SYNC: variants seen among roughly 807,000 people sequenced by gnomAD.
The protein encoded by SYNC is syncoilin.
Under a neutral mutation model 49.5 loss-of-function variants are expected in SYNC, and 38 were observed. That is an observed-to-expected ratio of 0.77 (90% CI 0.59 to 1.01). The LOEUF is 1.01. Ranked by LOEUF, SYNC falls within the 50% of genes least tolerant of loss-of-function variation. The pLI is 0.00. For synonymous variants in SYNC, 201 were observed against 230.8 expected (o/e 0.87, Z 1.17); for missense variants, 579 against 580.6 (o/e 1.00, Z 0.03).
intron 2 of SYNC, among the ~76,000 whole-genome samples, chr1:32,686,614 G>GA (rs1649849469): frequency 6.6e-6 from 1 of 152,218 alleles, no homozygotes; most frequent in African/African-American, 2.4e-5. Flanking sequence ...GAAACTTCAG[G>GA]AAGAAGGGAA....
chr1:32,689,109 T>G (rs1233547896), intron 2 of SYNC, among the ~76,000 whole-genome samples: 1 of 151,390 alleles, frequency 6.6e-6, no homozygotes, highest in East Asian at 1.9e-4. Context: ...CAGCTAATTT[T>G]TGTATTTTTT....
At position 32,680,604 on chromosome 1, in the gene SYNC, T is replaced by A; in HGVS notation, c.*1246A>T. 7.4e-7 allele frequency: 1 copy of A among 1,347,306 alleles called. No homozygotes were observed. The highest frequency in any genetic ancestry group is 1.3e-5 in the South Asian group (1 of 76,852). 83.5% of individuals were successfully genotyped at this position (1,347,306 alleles called of 1,614,324 possible). A position where few individuals can be genotyped will look rare whatever the true frequency, so the allele number is the denominator to read the frequency against. ...TCACCAGCAGGCCTGTTACTCTCCA[T>A]GACTAACTGTGTAAGTGCTTAAAAT... On this transcript the variant is annotated 3_prime_UTR_variant, in exon 5 of 5. Transcript: ENST00000409190.
At chr1:32,700,674 G>A (rs1381489943) in intron 1 of SYNC, among the ~76,000 whole-genome samples, 1 of 152,100 alleles carries the variant, frequency 6.6e-6, no homozygotes, top group Non-Finnish European at 1.5e-5. Context: ...TCCAGCCTGA[G>A]CAACAAGAGC....
chr1:32,697,380 G>A lies in SYNC; in HGVS notation c.54-1336C>T, dbSNP rs147162091. ...GAACTTCAAAGAGGCAGAGGTTGCA[G>A]TGAGACGAGATTGCACCATTGCACT... On this transcript the variant is annotated intron_variant, in intron 1 of 4. Coordinates refer to ENST00000409190, the MANE Select transcript of SYNC (RefSeq NM_030786.3). Among the ~76,000 whole-genome samples, 45 of 151,646 alleles carry A rather than the reference G, an allele frequency of 3.0e-4. No homozygotes were observed. The East Asian group carries it at 8.6e-3, about 29-fold the overall frequency.
rs913911954 is a variant in SYNC at position 32,695,815 on chromosome 1, G to A, written c.283C>T (p.Leu95=). The change falls in exon 2 of 5, where the codon CTG becomes TTG. Residue 95 remains leucine (L), a synonymous_variant. Transcript: ENST00000409190. The part of the protein sequence containing the change: ...IEEAMQPDEA[L]HVEEPGNPEE... ...GGATTCCCAGGCTCCTCCACATGCA[G>A]AGCCTCATCTGGCTGCATGGCCTCC... 1 of 1,551,774 alleles carries A rather than the reference G, an allele frequency of 6.4e-7. No individual in the cohort carries two copies. The highest frequency in any genetic ancestry group is 2.0e-5 in the Admixed American group (1 of 50,978).
intron 1 of SYNC, among the ~76,000 whole-genome samples, chr1:32,697,704 A>AC (rs1650493899): frequency 6.6e-6 from 1 of 150,696 alleles, no homozygotes; most frequent in Admixed American, 6.7e-5. Context: ...ACCACTCTGC[A>AC]CCCCAGCCTG....
chr1:32,687,183 A>G (rs953829314), intron 2 of SYNC, among the ~76,000 whole-genome samples: 1 of 151,946 alleles, frequency 6.6e-6, no homozygotes, highest in Non-Finnish European at 1.5e-5. Context: ...AACATGGTGA[A>G]ACCCAGCCTC....
At position 32,695,969 on chromosome 1, in the gene SYNC, T is replaced by G. The variant is rs1049616310; in HGVS notation, c.129A>C (p.Pro43=). The G allele has an allele frequency of 6.5e-7, 1 of 1,545,266 alleles. No homozygotes were observed. Residue 43 remains proline, a synonymous_variant, in exon 2 of 5, where the codon CCA becomes CCC. Coordinates refer to ENST00000409190, the MANE Select transcript of SYNC (RefSeq NM_030786.3). ...ACCCCTCTGAAGATAGAGTAACTTC[T>G]GGGTTCAAGGCTTCTGCCTCATTTA... The part of the protein sequence containing the change: ...GSLNEAEALN[P]EVTLSSEGSL...
chr1:32,684,257 C>A lies in SYNC; in HGVS notation c.1358+1G>T, dbSNP rs1475682436. 1 of 1,614,066 alleles carries A rather than the reference C, an allele frequency of 6.2e-7. No individual in the cohort carries two copies. The highest frequency in any genetic ancestry group is 1.3e-5 in the African/African-American group (1 of 74,930). On this transcript the variant is annotated splice_donor_variant, in intron 3 of 4. Transcript: ENST00000409190. LOFTEE classifies it high-confidence loss of function. The stretch of plus-strand genomic sequence containing the variant: ...AGATTTGTATAGCAGCAGAAACTGA[C>A]TTATAAGTAGAGAGCTCTTCAGCAA...
In SYNC at chr1:32,700,557, T is replaced by C. The variant is rs371027051; in HGVS notation, c.53+2051A>G. ...CTAAAAATACAAACGATTAGCTGGG[T>C]ATGGTGGTGTGTGCCTGTAATCCTA... On this transcript the variant is annotated intron_variant, in intron 1 of 4. Transcript: ENST00000409190. Among the ~76,000 whole-genome samples, 474 of 151,964 alleles carry C rather than the reference T, an allele frequency of 3.1e-3. 5 individuals carry two copies. Among genetic ancestry groups the C allele is most frequent in the African/African-American group, 0.011 (441 of 41,440 alleles).
intron 2 of SYNC, among the ~76,000 whole-genome samples, chr1:32,687,853 T>TTATTATTATTATTATTATTATTA (rs1649948637): frequency 3.1e-5 from 1 of 31,824 alleles, no homozygotes; most frequent in East Asian, 9.2e-4. Flanking sequence ...ATTATTATTA[T>TTATTATTATTATTATTATTATTA]TATTATTATT....
In SYNC at chr1:32,695,226, A is replaced by C; in HGVS notation, c.872T>G (p.Leu291Arg). 1 of 1,552,840 alleles carries C rather than the reference A, an allele frequency of 6.4e-7. No individual in the cohort carries two copies. Among genetic ancestry groups the C allele is most frequent in the Non-Finnish European group, 8.7e-7 (1 of 1,147,602 alleles). The change falls in exon 2 of 5, where the codon CTC becomes CGC. Residue 291 changes from leucine (L) to arginine (R), a missense_variant. Transcript: ENST00000409190. ...CTTCTGCTTCTGATAGGCATCCCGGAGCTGGGCCAGTTCCTCTGAGAGCTG... is the reference window on the plus strand; with the variant it reads ...CTTCTGCTTCTGATAGGCATCCCGGCGCTGGGCCAGTTCCTCTGAGAGCTG... ...ATQLSEELAQ[L>R]RDAYQKQKEQ...
At chr1:32,691,568 AGT>A (rs5773382) in intron 2 of SYNC, among the ~76,000 whole-genome samples, 126,760 of 148,396 alleles carry the variant, frequency 0.85, 55,680 homozygotes, top group Non-Finnish European at 0.96. Flanking sequence ...AAAAAAAAAA[AGT>A]AGCAAGGCAA....
intron 2 of SYNC, among the ~76,000 whole-genome samples, chr1:32,692,849 C>CA (rs1456974301): frequency 1.3e-5 from 2 of 151,656 alleles, no homozygotes; most frequent in South Asian, 2.1e-4. Flanking sequence ...TACTAAAATA[C>CA]AAAAAATTAG....
intron 2 of SYNC, among the ~76,000 whole-genome samples, chr1:32,689,831 C>G (rs1204830969): frequency 6.6e-6 from 1 of 151,340 alleles, no homozygotes; most frequent in South Asian, 2.1e-4. Flanking sequence ...GTCCCAGCTA[C>G]TTGAGAGGCT....
At chr1:32,682,044 G>C in intron 4 of SYNC, 184 bp from the exon 5 acceptor site, 4 of 584,242 alleles carry the variant, frequency 6.8e-6, no homozygotes, top group Non-Finnish European at 1.2e-5. Context: ...GGGAGGGATA[G>C]TTAAACGTTT....
In SYNC at chr1:32,695,404, T is replaced by G; in HGVS notation, c.694A>C (p.Arg232=). Residue 232 remains arginine, a synonymous_variant, in exon 2 of 5, where the codon AGA becomes CGA. Transcript: ENST00000409190. The stretch of plus-strand genomic sequence containing the variant: ...CGGATCTCCTCCCTTAGGCCATCTC[T>G]CTCCAGCTCTGCTTGGGCATGGAGC... ...YKLHAQAELE[R]DGLREEIRLV... 6.4e-7 allele frequency: 1 copy of G among 1,551,560 alleles called. No homozygotes were observed. The highest frequency in any genetic ancestry group is 8.7e-7 in the Non-Finnish European group (1 of 1,147,012).
chr1:32,685,404 G>C (rs751312128), intron 2 of SYNC: 1 of 152,226 alleles, frequency 6.6e-6, no homozygotes, highest in Non-Finnish European at 1.5e-5. Context: ...GAGGGAGTTG[G>C]GAAGAGAGGA....
chr1:32,689,291 G>T (rs1397144821), intron 2 of SYNC, among the ~76,000 whole-genome samples: 1 of 115,982 alleles, frequency 8.6e-6, no homozygotes, highest in Non-Finnish European at 1.6e-5. Context: ...ACCCAGGCTG[G>T]ATTGCAGTGG....
Sources: gnomAD v4.1 joint callset for allele counts (sites outside exome capture counted in the v4.1 genomes callset) on GRCh38, gnomAD v4.1.1 for gene constraint, MANE v1.5 for transcripts, NCBI Gene and HGNC (gene_info 2026-07-23, HGNC 2026-07-21) for gene names.